The following GRIP1 variants were observed in gnomAD, a reference collection of about 807,000 sequenced individuals.
The protein encoded by GRIP1 is glutamate receptor-interacting protein 1.
Under a neutral mutation model 129.9 loss-of-function variants are expected in GRIP1, and 45 were observed. That is an observed-to-expected ratio of 0.35 (90% CI 0.27 to 0.44). The LOEUF (loss-of-function observed/expected upper bound fraction) is 0.44. Among genes scored for constraint, GRIP1 ranks in the 20% least tolerant of loss-of-function variants. The pLI is 1.00. For synonymous variants in GRIP1, 530 were observed against 520.8 expected, an observed-to-expected ratio of 1.02 and a Z score of -0.24; for missense variants, 1,196 against 1,396.8, an observed-to-expected ratio of 0.86 and a Z score of 2.29.
chr12:66,412,594 C>T (rs1396043661), intron 15 of GRIP1, among the ~76,000 whole-genome samples: 1 of 152,174 alleles, frequency 6.6e-6, no homozygotes, highest in Non-Finnish European at 1.5e-5. Context: ...AAATAACCAA[C>T]TAGCATCATG....
chr12:66,929,577 C>G (rs1167361293), intron 1 of GRIP1, among the ~76,000 whole-genome samples: 1 of 152,140 alleles, frequency 6.6e-6, no homozygotes, highest in South Asian at 2.1e-4. Flanking sequence ...GAATACCCTA[C>G]ACTCTCATAT....
chr12:66,519,820 C>T (rs2060948231), intron 5 of GRIP1, among the ~76,000 whole-genome samples: 1 of 152,204 alleles, frequency 6.6e-6, no homozygotes, highest in Non-Finnish European at 1.5e-5. Context: ...GGCCCACCTA[C>T]AATTTTACAT....
At position 66,844,981 on chromosome 12, in the gene GRIP1, C is replaced by T. The variant is rs374580164; in HGVS notation, c.58+224069G>A. Among the ~76,000 whole-genome samples the T allele has an allele frequency of 1.1e-4, 16 of 152,204 alleles. 1 individual carries two copies. Among genetic ancestry groups the T allele is most frequent in the African/African-American group, 3.1e-4 (13 of 41,532 alleles). On this transcript the variant is annotated intron_variant, in intron 1 of 1. Coordinates refer to the GRIP1 transcript ENST00000643019. ...AGAAGTGATGGGAATGATGAGTTAG[C>T]GCTTAATGGACATCGACTTTCAGTT...
chr12:67,027,168 C>T (rs939421594), intron 1 of GRIP1, among the ~76,000 whole-genome samples: 12 of 152,194 alleles, frequency 7.9e-5, no homozygotes, highest in Non-Finnish European at 1.3e-4. Context: ...TCAGTAAGGA[C>T]ATCCAACAGC....
intron 1 of GRIP1, among the ~76,000 whole-genome samples, chr12:66,894,182 G>A (rs1430287409): frequency 6.6e-6 from 1 of 152,152 alleles, no homozygotes; most frequent in Non-Finnish European, 1.5e-5. Flanking sequence ...ACATTTAAAA[G>A]TCTTTCTCCA....
At chr12:66,669,824 T>C (rs956882493) in intron 1 of GRIP1, among the ~76,000 whole-genome samples, 1 of 152,198 alleles carries the variant, frequency 6.6e-6, no homozygotes, top group Non-Finnish European at 1.5e-5. Flanking sequence ...CTCTCCCACA[T>C]AGATAGAGTA....
intron 1 of GRIP1, among the ~76,000 whole-genome samples, chr12:66,667,338 T>C (rs951935386): frequency 2.6e-5 from 4 of 152,218 alleles, no homozygotes; most frequent in Non-Finnish European, 5.9e-5. Flanking sequence ...TCATGCTTTG[T>C]GGATGTGATA....
chr12:66,777,158 C>A (rs1273639630), intron 1 of GRIP1, among the ~76,000 whole-genome samples: 2 of 152,104 alleles, frequency 1.3e-5, no homozygotes, highest in South Asian at 2.1e-4. Flanking sequence ...GTGACAGGAG[C>A]CTTGAAAGTG....
chr12:66,414,562 A>G (rs1007905717), intron 15 of GRIP1, among the ~76,000 whole-genome samples: 1 of 152,108 alleles, frequency 6.6e-6, no homozygotes, highest in African/African-American at 2.4e-5. Context: ...TTAAACTACC[A>G]TTGACATTCT....
chr12:66,839,173 A>G (rs1035267301), intron 1 of GRIP1, among the ~76,000 whole-genome samples: 1 of 152,186 alleles, frequency 6.6e-6, no homozygotes, highest in Non-Finnish European at 1.5e-5. Flanking sequence ...AAAAAATGAA[A>G]AAACCCTGCA....
At chr12:66,604,760 A>G (rs2064434455) in intron 1 of GRIP1, among the ~76,000 whole-genome samples, 1 of 152,206 alleles carries the variant, frequency 6.6e-6, no homozygotes, top group African/African-American at 2.4e-5. Context: ...TAGCTTTAGA[A>G]TGACAATTTG....
chr12:66,500,696 A>G (rs2060368521), intron 7 of GRIP1, among the ~76,000 whole-genome samples: 2 of 152,150 alleles, frequency 1.3e-5, no homozygotes, highest in South Asian at 4.2e-4. Context: ...TTCCATGTGA[A>G]TGACTCCATT....
intron 2 of GRIP1, among the ~76,000 whole-genome samples, chr12:66,547,629 G>T (rs1357842169): frequency 6.6e-6 from 1 of 152,206 alleles, no homozygotes; most frequent in Admixed American, 6.5e-5. Context: ...TAACGACCCA[G>T]ATCAATTACC....
At chr12:66,626,607 C>G (rs2030084487) in intron 1 of GRIP1, 1 of 152,210 alleles carries the variant, frequency 6.6e-6, no homozygotes, top group African/African-American at 2.4e-5. Flanking sequence ...GATAAATGTG[C>G]TCTGTCCTTA....
At chr12:66,477,959 T>C (rs2059674065) in intron 7 of GRIP1, among the ~76,000 whole-genome samples, 3 of 150,212 alleles carry the variant, frequency 2.0e-5, no homozygotes, top group South Asian at 4.2e-4. Flanking sequence ...ATTCAAGACA[T>C]AGGGATGGGC....
At chr12:66,394,935 C>T (rs758028447) in intron 16 of GRIP1, among the ~76,000 whole-genome samples, 2 of 152,202 alleles carry the variant, frequency 1.3e-5, no homozygotes, top group Non-Finnish European at 2.9e-5. Context: ...ATTCCACTGA[C>T]TGTCTTCTAA....
chr12:66,573,545 G>A (rs2063035376), intron 2 of GRIP1, among the ~76,000 whole-genome samples: 1 of 152,166 alleles, frequency 6.6e-6, no homozygotes, highest in African/African-American at 2.4e-5. Context: ...GCATGAAACT[G>A]AAGCAACCAG....
At chr12:66,764,515 A>G (rs2037569351) in intron 1 of GRIP1, among the ~76,000 whole-genome samples, 1 of 152,190 alleles carries the variant, frequency 6.6e-6, no homozygotes. Flanking sequence ...CTTTTCAGGA[A>G]TGTGCTTTAC....
At chr12:66,351,782 G>C (rs939327065) in intron 24 of GRIP1, among the ~76,000 whole-genome samples, 1 of 152,178 alleles carries the variant, frequency 6.6e-6, no homozygotes, top group Admixed American at 6.5e-5. Flanking sequence ...CTCTAAACTA[G>C]TGGTTTTCAA....
Sources: gnomAD v4.1 joint callset for allele counts (sites outside exome capture counted in the v4.1 genomes callset) on GRCh38, gnomAD v4.1.1 for gene constraint, MANE v1.5 for transcripts, NCBI Gene and HGNC (gene_info 2026-07-23, HGNC 2026-07-21) for gene names.